Variants in RBBP7 observed in about 807,000 individuals in gnomAD.
The protein encoded by RBBP7 is histone-binding protein RBBP7.
In RBBP7, 5 loss-of-function variants were observed where a neutral mutation model predicts 35.2. The observed-to-expected ratio is 0.14, with a 90% CI of 0.07 to 0.30. The LOEUF (loss-of-function observed/expected upper bound fraction) is 0.30, where lower values mean the gene tolerates loss of function less well. RBBP7 is among the 10% of genes least tolerant of loss of function. The probability of loss-of-function intolerance (pLI) is 1.00; values close to 1 mark genes in which losing one functional copy is unlikely to be tolerated. For missense variants in RBBP7, 155 were observed against 327.5 expected, an observed-to-expected ratio of 0.47 and a Z score of 4.07; for synonymous variants, 140 against 118.7, an observed-to-expected ratio of 1.18 and a Z score of -1.17.
At chrX:16,868,328 C>T (rs1930677075) in intron 2 of RBBP7, among the ~76,000 whole-genome samples, 1 of 112,319 alleles carries the variant, frequency 8.9e-6, no homozygotes, top group African/African-American at 3.2e-5. Context: ...CAGTCTAATG[C>T]AGGGACCAGC....
Position 16,853,844 on chromosome X carries a change from TAA to T in RBBP7, c.598-4_598-3del. 1 of 1,100,547 alleles carries T rather than the reference TAA, an allele frequency of 9.1e-7. No homozygotes were observed. Among genetic ancestry groups the T allele is most frequent in the Non-Finnish European group, 1.2e-6 (1 of 841,497 alleles). 90.7% of individuals were successfully genotyped at this position (1,100,547 alleles called of 1,213,427 possible). On this transcript the variant is annotated splice_polypyrimidine_tract_variant and splice_region_variant and intron_variant, in intron 5 of 11. Coordinates refer to ENST00000380087, the MANE Select transcript of RBBP7 (RefSeq NM_002893.4). Reference sequence around the variant, plus strand: ...GTTTATATCCCACAGACAAACAGTCTAAGAGAGAAGGAGAGAAAAAAAAAAGA... The same window carrying T: ...GTTTATATCCCACAGACAAACAGTCTGAGAGAAGGAGAGAAAAAAAAAAGA...
intron 2 of RBBP7, among the ~76,000 whole-genome samples, chrX:16,864,315 T>C (rs1930546064): frequency 9.1e-6 from 1 of 110,088 alleles, no homozygotes; most frequent in Admixed American, 9.6e-5. Context: ...AGGTCAGGAG[T>C]TCGAGACCAG....
intron 10 of RBBP7, 31 bp downstream of exon 10, chrX:16,849,213 G>C (rs1930158301): frequency 3.4e-6 from 4 of 1,181,864 alleles, no homozygotes; most frequent in Non-Finnish European, 4.6e-6. Flanking sequence ...ATCTGCATAT[G>C]ACATTTCATC....
chrX:16,850,310 T>C (rs1441229170), intron 9 of RBBP7, among the ~76,000 whole-genome samples: 1 of 112,903 alleles, frequency 8.9e-6, no homozygotes, highest in Non-Finnish European at 1.9e-5. Context: ...GTACTGGGAT[T>C]ATAGACATGA....
intron 1 of RBBP7, chrX:16,869,814 G>T (rs1203409263): frequency 2.2e-6 from 2 of 910,711 alleles, no homozygotes; most frequent in Non-Finnish European, 2.7e-6. Flanking sequence ...AAGGGAAGAG[G>T]GGGGCCCAGC....
intron 5 of RBBP7, 115 bp from the exon 6 acceptor site, chrX:16,853,957 A>C: frequency 1.6e-6 from 1 of 606,745 alleles, no homozygotes; most frequent in Non-Finnish European, 2.2e-6. Context: ...ATCTCGGCTC[A>C]CTGCAGCCTC....
intron 5 of RBBP7, 39 bp from the exon 6 acceptor site, chrX:16,853,881 A>G (rs367734354): frequency 9.8e-5 from 97 of 991,735 alleles, no homozygotes; most frequent in South Asian, 2.1e-4. Context: ...AACAAGGGCT[A>G]TAAGAGACTG....
Position 16,845,066 on chromosome X carries a change from G to C in RBBP7, c.1247C>G (p.Thr416Arg). The C allele has an allele frequency of 8.3e-7, 1 of 1,209,344 alleles. No homozygotes were observed. Among genetic ancestry groups the C allele is most frequent in the Non-Finnish European group, 1.1e-6 (1 of 893,632 alleles). Residue 416 changes from threonine to arginine, a missense_variant, in exon 12 of 12, where the codon ACG (threonine) becomes AGG (arginine). By Grantham distance (71) the Thr-to-Arg change is moderately conservative. Around this residue, in one of 3 missense-constraint regions of RBBP7, gnomAD observed 17 missense variants for 16.3 expected, o/e 1.04. Coordinates refer to ENST00000380087, the MANE Select transcript of RBBP7 (RefSeq NM_002893.4). ...TCCTTGTCCCTCCAGTTCGGATGTC[G>C]TGACATCTGACTCTTCATCATTGTA... ...NIYNDEESDV[T>R]TSELEGQGS
chrX:16,849,342 C>T, intron 9 of RBBP7, 41 bp from the exon 10 acceptor site: 1 of 1,124,415 alleles, frequency 8.9e-7, no homozygotes, highest in Non-Finnish European at 1.2e-6. Context: ...CAGTGAAATT[C>T]TTGTAGCACG....
intron 2 of RBBP7, among the ~76,000 whole-genome samples, chrX:16,866,473 C>T (rs1419815028): frequency 2.7e-4 from 23 of 84,293 alleles, no homozygotes; most frequent in African/African-American, 1.1e-3. Flanking sequence ...CTGCAGTGAG[C>T]CAAGATGGTG....
Position 16,844,903 on chromosome X carries a change from T to A in RBBP7, c.*132A>T, listed in dbSNP as rs770770607. The A allele has an allele frequency of 1.6e-5, 8 of 495,250 alleles. No individual in the cohort carries two copies. Among genetic ancestry groups the A allele is most frequent in the Middle Eastern group, 3.7e-4 (1 of 2,710 alleles). 40.8% of individuals were successfully genotyped at this position (495,250 alleles called of 1,213,427 possible). On this transcript the variant is annotated 3_prime_UTR_variant, in exon 12 of 12. Coordinates refer to ENST00000380087, the MANE Select transcript of RBBP7 (RefSeq NM_002893.4). ...TACGCAACAGCTCACTTGAAAGTGC[T>A]AGAATCAGAGGATAAAGAAGCCATA...
At chrX:16,859,894 T>C (rs1569061875) in intron 3 of RBBP7, among the ~76,000 whole-genome samples, 1 of 111,398 alleles carries the variant, frequency 9.0e-6, no homozygotes. Context: ...CTCGCTTCCA[T>C]GTCTTAATAT....
chrX:16,854,445 A>C (rs1399727840), intron 5 of RBBP7, among the ~76,000 whole-genome samples: 1 of 110,554 alleles, frequency 9.0e-6, no homozygotes, highest in Non-Finnish European at 1.9e-5. Flanking sequence ...AAGTACCCCA[A>C]ATTCACTTAG....
At chrX:16,864,526 C>CAAAAAAAAAAAAAAAAAAAAAAAA (rs61357554) in intron 2 of RBBP7, among the ~76,000 whole-genome samples, 2 of 26,243 alleles carry the variant, frequency 7.6e-5, no homozygotes, top group African/African-American at 3.3e-4. Flanking sequence ...ACTCCGTCTC[C>CAAAAAAAAAAAAAAAAAAAAAAAA]AAAAAAAAAA....
Position 16,866,575 on chromosome X carries a change from A to AAAGAAAGAAAGC in RBBP7, c.161+2500_161+2501insGCTTTCTTTCTT, listed in dbSNP as rs1569063945. ...AAAAAAAAGAAAGAAAGAAAGCAAG[A>AAAGAAAGAAAGC]AAGCAAGAAAGCAAGCCAGCCAGCC... On this transcript the variant is annotated intron_variant, in intron 2 of 11. Coordinates refer to ENST00000380087, the MANE Select transcript of RBBP7 (RefSeq NM_002893.4). 3.8e-3 allele frequency among the ~76,000 whole-genome samples: 382 copies of AAAGAAAGAAAGC among 100,914 alleles called. 7 individuals carry two copies. The highest frequency in any genetic ancestry group is 0.015 in the African/African-American group (367 of 25,193). The allele number at this position is 100,914 out of a possible 115,157, so 87.6% of individuals were successfully genotyped here. A position where few individuals can be genotyped will look rare whatever the true frequency, so the allele number is the denominator to read the frequency against.
chrX:16,845,130 G>GT, intron 11 of RBBP7, 27 bp from the exon 12 acceptor site: 1 of 1,066,813 alleles, frequency 9.4e-7, no homozygotes, highest in South Asian at 1.9e-5. Context: ...AAATTCACAG[G>GT]TAAAAACTCC....
intron 1 of RBBP7, chrX:16,869,532 C>T (rs67984110): frequency 0.41 from 479,177 of 1,164,018 alleles, 70,134 homozygotes; most frequent in Middle Eastern, 0.54. Context: ...AGGGGCTGCG[C>T]GACCCAGTCG....
At chrX:16,868,275 T>TG (rs1930676085) in intron 2 of RBBP7, among the ~76,000 whole-genome samples, 1 of 111,810 alleles carries the variant, frequency 8.9e-6, no homozygotes, top group Non-Finnish European at 1.9e-5. Context: ...TAAAAGTACA[T>TG]GGTCAAGTTC....
intron 2 of RBBP7, among the ~76,000 whole-genome samples, chrX:16,866,875 T>A (rs754104189): frequency 1.8e-5 from 2 of 111,524 alleles, no homozygotes; most frequent in South Asian, 7.5e-4. Flanking sequence ...GGCATTTTCT[T>A]ACATTCTCTA....
Sources: allele counts gnomAD v4.1 joint callset (sites outside exome capture counted in the v4.1 genomes callset), GRCh38; gene constraint gnomAD v4.1.1; regional missense constraint gnomAD v4.1.1; transcripts MANE v1.5; gene names NCBI Gene and HGNC (gene_info 2026-07-23, HGNC 2026-07-21).